The following C5orf63 variants were observed in gnomAD, a reference collection of about 807,000 sequenced individuals.
The protein encoded by C5orf63 is glutaredoxin-like protein C5orf63.
A neutral mutation model predicts 13.3 loss-of-function variants in C5orf63; 18 were observed. The ratio of observed to expected loss-of-function variants is 1.36; its 90% CI spans 0.94 to 2.01. C5orf63 has a LOEUF of 2.01. Among genes scored for constraint, C5orf63 ranks in the 30% most tolerant of loss-of-function variants. The pLI is 0.00. For missense variants in C5orf63, 118 were observed against 127.7 expected (o/e 0.92, Z 0.36); for synonymous variants, 38 against 44.7 (o/e 0.85, Z 0.60).
intron 2 of C5orf63, among the ~76,000 whole-genome samples, chr5:127,070,166 C>A (rs1001236699): frequency 6.6e-6 from 1 of 152,096 alleles, no homozygotes; most frequent in African/African-American, 2.4e-5. Flanking sequence ...AGGCTCTGTT[C>A]TCTAAATCTA....
intron 4 of C5orf63, 181 bp downstream of exon 4, chr5:127,052,432 A>G (rs1237234332): frequency 2.3e-6 from 1 of 437,004 alleles, no homozygotes; most frequent in Admixed American, 4.1e-5. Context: ...CTCAGAGGAA[A>G]ACACTTAGGT....
At chr5:127,062,507 C>A (rs1215423995) in intron 2 of C5orf63, among the ~76,000 whole-genome samples, 8 of 152,132 alleles carry the variant, frequency 5.3e-5, no homozygotes, top group African/African-American at 1.9e-4. Flanking sequence ...GCTCCCTATA[C>A]CTCTTCTAGG....
At chr5:127,058,657 C>T in intron 3 of C5orf63, 1 of 456,834 alleles carries the variant, frequency 2.2e-6, no homozygotes, top group Non-Finnish European at 3.9e-6. Context: ...TCATTTTTTT[C>T]AATGTAGGGG....
At chr5:127,057,648 T>A (rs927124930) in intron 3 of C5orf63, among the ~76,000 whole-genome samples, 31 of 152,244 alleles carry the variant, frequency 2.0e-4, no homozygotes, top group African/African-American at 7.5e-4. Flanking sequence ...TTGCAGGTAT[T>A]CACAGACATG....
At chr5:127,055,881 T>A (rs891781520) in intron 3 of C5orf63, among the ~76,000 whole-genome samples, 6 of 152,194 alleles carry the variant, frequency 3.9e-5, no homozygotes, top group African/African-American at 1.4e-4. Context: ...ATGCAAATTA[T>A]ACCTGAAAAT....
At chr5:127,049,120 G>A (rs1753595515), downstream of C5orf63, among the ~76,000 whole-genome samples, 1 of 152,150 alleles carries the variant, frequency 6.6e-6, no homozygotes, top group Non-Finnish European at 1.5e-5. Context: ...AAGAAGGACT[G>A]CAACAGGCTG....
downstream of C5orf63, chr5:127,042,965 C>T (rs1396052061): frequency 6.6e-6 from 1 of 152,136 alleles, no homozygotes; most frequent in African/African-American, 2.4e-5. Flanking sequence ...ACACCAATGA[C>T]AAAGTCATGC....
At chr5:127,048,564 TC>T (rs1296498942), downstream of C5orf63, among the ~76,000 whole-genome samples, 2 of 152,064 alleles carry the variant, frequency 1.3e-5, no homozygotes, top group African/African-American at 4.8e-5. Context: ...AGATCCTCTC[TC>T]CCAGGTCTAT....
chr5:127,067,364 A>G (rs1754368607), intron 2 of C5orf63, among the ~76,000 whole-genome samples: 1 of 152,224 alleles, frequency 6.6e-6, no homozygotes, highest in Non-Finnish European at 1.5e-5. Context: ...GAAACATTTA[A>G]ATCTCTATTA....
chr5:127,052,165 T>C (rs1480888626), intron 4 of C5orf63, among the ~76,000 whole-genome samples: 1 of 152,232 alleles, frequency 6.6e-6, no homozygotes, highest in Non-Finnish European at 1.5e-5. Flanking sequence ...GTTACCCCTG[T>C]TACATTCAGC....
chr5:127,056,986 T>C (rs1203414469), intron 3 of C5orf63, among the ~76,000 whole-genome samples: 1 of 152,214 alleles, frequency 6.6e-6, no homozygotes, highest in Non-Finnish European at 1.5e-5. Flanking sequence ...GTGTGGTTTT[T>C]TCGTTTTGTT....
intron 2 of C5orf63, among the ~76,000 whole-genome samples, chr5:127,067,567 G>A (rs1291995047): frequency 6.6e-6 from 1 of 152,096 alleles, no homozygotes; most frequent in East Asian, 1.9e-4. Flanking sequence ...TTGGCACCAG[G>A]TATTGGCTTA....
chr5:127,063,310 C>T (rs1048854951), intron 2 of C5orf63, among the ~76,000 whole-genome samples: 1 of 152,200 alleles, frequency 6.6e-6, no homozygotes, highest in Non-Finnish European at 1.5e-5. Context: ...CTAAAGGGCA[C>T]ACCATTAAGG....
intron 3 of C5orf63, among the ~76,000 whole-genome samples, chr5:127,058,243 C>G (rs1427875511): frequency 6.6e-6 from 1 of 152,086 alleles, no homozygotes; most frequent in African/African-American, 2.4e-5. Flanking sequence ...TCTTTGTGTG[C>G]ATGTGTACTC....
intron 2 of C5orf63, among the ~76,000 whole-genome samples, chr5:127,067,982 A>G (rs1754391950): frequency 1.3e-5 from 2 of 152,176 alleles, no homozygotes; most frequent in South Asian, 4.1e-4. Context: ...TTCTTCACAT[A>G]GAGTTTCCGT....
Position 127,052,615 on chromosome 5 carries a change from T to C in C5orf63, c.169A>G (p.Arg57Gly). The C allele has an allele frequency of 4.7e-6, 7 of 1,500,998 alleles. No individual in the cohort carries two copies. The highest frequency in any genetic ancestry group is 3.5e-4 in the Middle Eastern group (2 of 5,792). The allele number at this position is 1,500,998 out of a possible 1,614,324, so 93.0% of individuals were successfully genotyped here. ...AAAGCCACACTGTATTATATTACCC[T>C]GTTTTCATAAGGCTTGAGTACTTCC... ...AKEVLKPYENRFILQEVNITL... is the reference protein window; with the variant it reads ...AKEVLKPYENGFILQEVNITL... Residue 57 changes from arginine to glycine, a missense_variant and splice_region_variant, in exon 4 of 5, where the codon AGG becomes GGG. Transcript: ENST00000296662.
chr5:127,072,401 A>G (rs774600325), intron 1 of C5orf63, among the ~76,000 whole-genome samples: 1 of 152,170 alleles, frequency 6.6e-6, no homozygotes, highest in Non-Finnish European at 1.5e-5. Flanking sequence ...CTTCACATGC[A>G]TTTTTATAAG....
At chr5:127,052,184 A>T (rs992887913) in intron 4 of C5orf63, among the ~76,000 whole-genome samples, 4 of 152,242 alleles carry the variant, frequency 2.6e-5, no homozygotes, top group East Asian at 1.9e-4. Flanking sequence ...GCATCAGGAC[A>T]GTACTCAGTT....
intron 2 of C5orf63, among the ~76,000 whole-genome samples, chr5:127,066,028 G>C (rs182342483): frequency 1.4e-4 from 22 of 152,228 alleles, no homozygotes; most frequent in Non-Finnish European, 2.6e-4. Context: ...GACTGAGGCA[G>C]GTTCTTTAAT....
Sources: gnomAD v4.1 joint callset for allele counts (sites outside exome capture counted in the v4.1 genomes callset) on GRCh38, gnomAD v4.1.1 for gene constraint, MANE v1.5 for transcripts, NCBI Gene and HGNC (gene_info 2026-07-23, HGNC 2026-07-21) for gene names.